AKAP6: variants seen among roughly 807,000 people sequenced by gnomAD.
The protein encoded by AKAP6 is A-kinase anchoring protein 6.
Under a neutral mutation model 188.5 loss-of-function variants are expected in AKAP6, and 58 were observed. The ratio of observed to expected loss-of-function variants is 0.31; its 90% confidence interval spans 0.25 to 0.38. The LOEUF (loss-of-function observed/expected upper bound fraction) is 0.38, where lower values mean the gene tolerates loss of function less well. AKAP6 is among the 10% of genes least tolerant of loss of function. AKAP6 has a pLI of 1.00. For missense variants in AKAP6, 2,710 were observed against 2,740.0 expected (o/e 0.99, Z 0.24); for synonymous variants, 989 against 998.6 (o/e 0.99, Z 0.18).
chr14:32,621,877 T>A (rs1219511589), intron 7 of AKAP6, among the ~76,000 whole-genome samples: 1 of 152,146 alleles, frequency 6.6e-6, no homozygotes, highest in Non-Finnish European at 1.5e-5. Context: ...TATGAATTAA[T>A]GATAAGTGTG....
At chr14:32,618,598 G>T (rs1886684206) in intron 7 of AKAP6, among the ~76,000 whole-genome samples, 1 of 152,162 alleles carries the variant, frequency 6.6e-6, no homozygotes, top group Non-Finnish European at 1.5e-5. Context: ...CTCATTGGTT[G>T]ATGGGTACTT....
chr14:32,532,347 T>G (rs1032916143), intron 2 of AKAP6, among the ~76,000 whole-genome samples: 2 of 152,222 alleles, frequency 1.3e-5, no homozygotes, highest in African/African-American at 2.4e-5. Context: ...CATCTGCTTC[T>G]GTGGGAATGG....
At chr14:32,462,749 G>T (rs981376910) in intron 2 of AKAP6, among the ~76,000 whole-genome samples, 8 of 151,816 alleles carry the variant, frequency 5.3e-5, no homozygotes, top group Non-Finnish European at 5.9e-5. Context: ...ATGTAAATGG[G>T]CTAAATGCCC....
At chr14:32,414,157 A>G (rs1184446428) in intron 1 of AKAP6, among the ~76,000 whole-genome samples, 3 of 152,092 alleles carry the variant, frequency 2.0e-5, no homozygotes, top group Non-Finnish European at 1.5e-5. Flanking sequence ...CAAAGGTTTC[A>G]GAGACAGTAT....
At chr14:32,541,779 T>C (rs1401652875) in intron 3 of AKAP6, among the ~76,000 whole-genome samples, 1 of 152,198 alleles carries the variant, frequency 6.6e-6, no homozygotes, top group Non-Finnish European at 1.5e-5. Flanking sequence ...TACAACCTGC[T>C]TTTGAATTGG....
rs142414045 is a variant in AKAP6, at chr14:32,535,645, A to G, written c.416A>G (p.Asn139Ser). The G allele has an allele frequency of 2.1e-4, 347 of 1,614,232 alleles. 1 individual carries two copies. The East Asian group carries it at 6.5e-3, about 30-fold the overall frequency. The change falls in exon 3 of 14, where the codon AAC (asparagine) becomes AGC (serine). Residue 139 changes from asparagine to serine, a missense_variant. Transcript: ENST00000280979. ...CTAAAGCTGCTGTCTTACTCTGTCA[A>G]CGTGATAGTGGACATCCACGCAGTG... ...FSLKLLSYSV[N>S]VIVDIHAVQL... is the part of the protein sequence containing the mutation.
intron 11 of AKAP6, among the ~76,000 whole-genome samples, chr14:32,766,078 A>G (rs10139686): frequency 0.16 from 23,816 of 152,070 alleles, 3,004 homozygotes; most frequent in African/African-American, 0.35. Flanking sequence ...GTATTTGCCT[A>G]TTCTGGACAT....
intron 11 of AKAP6, among the ~76,000 whole-genome samples, chr14:32,750,929 G>T (rs985208196): frequency 6.6e-6 from 1 of 151,396 alleles, no homozygotes; most frequent in African/African-American, 2.4e-5. Context: ...TAGAGATGGG[G>T]TTTCACCATG....
chr14:32,576,756 T>G (rs1463501974), intron 4 of AKAP6, among the ~76,000 whole-genome samples: 1 of 152,004 alleles, frequency 6.6e-6, no homozygotes, highest in Non-Finnish European at 1.5e-5. Flanking sequence ...AGCCAACGAG[T>G]GTTCCTAGCA....
chr14:32,526,793 A>G (rs1005371809), intron 2 of AKAP6, among the ~76,000 whole-genome samples: 2 of 152,218 alleles, frequency 1.3e-5, no homozygotes, highest in Admixed American at 1.3e-4. Context: ...TTTAAATAGT[A>G]TTTTTGTAAC....
chr14:32,712,973 C>G (rs2029978538), intron 9 of AKAP6, among the ~76,000 whole-genome samples: 1 of 133,338 alleles, frequency 7.5e-6, no homozygotes, highest in Non-Finnish European at 1.7e-5. Flanking sequence ...GAATCACTAT[C>G]TATGGCAGCT....
rs188069244 is a variant in AKAP6, at chr14:32,605,142, T to G, written c.2730+4350T>G. On this transcript the variant is annotated intron_variant, in intron 7 of 13. Coordinates refer to ENST00000280979, the MANE Select transcript of AKAP6 (RefSeq NM_004274.5). The stretch of plus-strand genomic sequence containing the variant: ...CAAGCCTTCATTTTCTAGAGACAAA[T>G]AATTTTAATAAATTATAAATAATAG... Among the ~76,000 whole-genome samples, 796 of 152,012 alleles carry G rather than the reference T, an allele frequency of 5.2e-3. 2 individuals are homozygous for G. The highest frequency in any genetic ancestry group is 7.8e-3 in the Non-Finnish European group (533 of 67,988).
In AKAP6 at chr14:32,545,863, G is replaced by T. The variant is rs748087074; in HGVS notation, c.1210G>T (p.Asp404Tyr). ...LFLKEETFKN[D>Y]LKGNGGKRQM... ...TCTTAAAGAGGAAACTTTTAAGAAT[G>T]ATCTGAAAGGCAATGGTGGAAAGAG... The change falls in exon 4 of 14, where the codon GAT becomes TAT. Residue 404 changes from aspartate to tyrosine, a missense_variant. Physicochemically the swap from Asp to Tyr is radical, Grantham distance 160 (BLOSUM62 -3). Transcript: ENST00000280979. 4 of 1,614,188 alleles carry T rather than the reference G, an allele frequency of 2.5e-6. No homozygotes were observed. In the South Asian group the frequency reaches 3.3e-5, roughly 13 times the overall value.
intron 11 of AKAP6, among the ~76,000 whole-genome samples, chr14:32,771,632 A>G (rs1010684671): frequency 1.3e-5 from 2 of 152,220 alleles, no homozygotes; most frequent in Non-Finnish European, 2.9e-5. Context: ...GGTGCTTTGC[A>G]AATGTTGCCT....
chr14:32,451,134 C>G (rs1215488170), intron 2 of AKAP6, among the ~76,000 whole-genome samples: 4 of 152,078 alleles, frequency 2.6e-5, no homozygotes, highest in Non-Finnish European at 5.9e-5. Context: ...TCAGATTAGC[C>G]TTTAGCTAGT....
intron 1 of AKAP6, among the ~76,000 whole-genome samples, chr14:32,337,211 T>A (rs960669683): frequency 6.6e-6 from 1 of 152,082 alleles, no homozygotes; most frequent in Non-Finnish European, 1.5e-5. Context: ...GCAAGTACAG[T>A]TTAAAAAATT....
intron 5 of AKAP6, among the ~76,000 whole-genome samples, chr14:32,590,463 A>G (rs933608323): frequency 1.3e-5 from 2 of 152,168 alleles, no homozygotes; most frequent in East Asian, 3.9e-4. Flanking sequence ...AAACAAAACA[A>G]AACTAAACAA....
chr14:32,536,799 AGT>A (rs1882699379), intron 3 of AKAP6, among the ~76,000 whole-genome samples: 1 of 152,150 alleles, frequency 6.6e-6, no homozygotes, highest in South Asian at 2.1e-4. Context: ...TAGAAAAAAA[AGT>A]GTTTTTGCTT....
intron 2 of AKAP6, chr14:32,474,036 T>A (rs532113646): frequency 5.2e-5 from 8 of 152,452 alleles, no homozygotes; most frequent in African/African-American, 1.7e-4. Context: ...TAGCTGGGAT[T>A]ACAGGCATGC....
Sources: allele counts gnomAD v4.1 joint callset (sites outside exome capture counted in the v4.1 genomes callset), GRCh38; gene constraint gnomAD v4.1.1; transcripts MANE v1.5; gene names NCBI Gene and HGNC (gene_info 2026-07-23, HGNC 2026-07-21).